PLEKHA8: variants seen among roughly 807,000 people sequenced by gnomAD.
PLEKHA8 encodes the protein pleckstrin homology domain-containing family A member 8.
PLEKHA8 carries 36 observed loss-of-function variants against 68.2 expected under a neutral mutation model. The observed-to-expected ratio is 0.53, with a 90% CI of 0.40 to 0.70. PLEKHA8 has a LOEUF of 0.70. PLEKHA8 is among the 30% of genes least tolerant of loss of function. The pLI is 0.00. For missense variants in PLEKHA8, 505 were observed against 615.4 expected, an observed-to-expected ratio of 0.82 and a Z score of 1.90; for synonymous variants, 211 against 216.1, an observed-to-expected ratio of 0.98 and a Z score of 0.20.
chr7:30,090,207 C>T, exon 13 of PLEKHA8: 1 of 1,547,068 alleles, frequency 6.5e-7, no homozygotes. Context: ...AGATCCTGAA[C>T]TTCAAGAATG....
intron 12 of PLEKHA8, among the ~76,000 whole-genome samples, chr7:30,073,563 T>TAAAAAAAAAAAAAAAAAA (rs35738941): frequency 9.8e-5 from 11 of 111,766 alleles, no homozygotes; most frequent in African/African-American, 3.6e-4. Flanking sequence ...TTGTGTTTCT[T>TAAAAAAAAAAAAAAAAAA]AAAAAAAAAA....
downstream of PLEKHA8, among the ~76,000 whole-genome samples, chr7:30,086,944 C>T (rs1175468927): frequency 3.3e-5 from 5 of 152,034 alleles, no homozygotes; most frequent in Non-Finnish European, 5.9e-5. Context: ...CAGTGTGGTT[C>T]GGGTTGATGG....
rs1229282018 is a variant in PLEKHA8, at chr7:30,081,335, C to T, written c.*2548C>T. ...TTTGTTTAAGATGTGTAAAAGTTTG[C>T]TTAAGGAACTGAGGATCCTTAAATA... On this transcript the variant is annotated 3_prime_UTR_variant, in exon 14 of 14. Coordinates refer to ENST00000449726, the MANE Select transcript of PLEKHA8 (RefSeq NM_001197026.2). The T allele has an allele frequency of 1.0e-6, 1 of 983,864 alleles. No individual in the cohort carries two copies. Among genetic ancestry groups the T allele is most frequent in the Non-Finnish European group, 1.2e-6 (1 of 828,722 alleles). 60.9% of individuals were successfully genotyped at this position (983,864 alleles called of 1,614,324 possible).
chr7:30,034,010 C>CTTTTGTT (rs1790859175), intron 1 of PLEKHA8, among the ~76,000 whole-genome samples: 11 of 34,666 alleles, frequency 3.2e-4, no homozygotes, highest in African/African-American at 1.4e-3. Flanking sequence ...TAAGAGGTTT[C>CTTTTGTT]TTTTTTTTTT....
At chr7:30,097,191 G>C (rs1013197110) in intron 13 of PLEKHA8, among the ~76,000 whole-genome samples, 1 of 152,226 alleles carries the variant, frequency 6.6e-6, no homozygotes, top group African/African-American at 2.4e-5. Context: ...ACTGCCGAGA[G>C]ATCAGCTGTT....
intron 13 of PLEKHA8, among the ~76,000 whole-genome samples, chr7:30,116,711 G>A (rs1266058364): frequency 6.6e-6 from 1 of 151,956 alleles, no homozygotes; most frequent in Non-Finnish European, 1.5e-5. Flanking sequence ...TTATATTTCC[G>A]GTCTCCAATT....
At chr7:30,121,166 T>A (rs564238242) in intron 13 of PLEKHA8, among the ~76,000 whole-genome samples, 1 of 152,330 alleles carries the variant, frequency 6.6e-6, no homozygotes, top group African/African-American at 2.4e-5. Flanking sequence ...TTTCTCTTTT[T>A]CAGGTTTGCC....
In PLEKHA8 at chr7:30,080,495, C is replaced by T; in HGVS notation, c.*1708C>T. 1.0e-6 allele frequency: 1 copy of T among 985,288 alleles called. No individual in the cohort carries two copies. The highest frequency in any genetic ancestry group is 1.2e-6 in the Non-Finnish European group (1 of 829,882). The allele number at this position is 985,288 out of a possible 1,614,324, so 61.0% of individuals were successfully genotyped here. A position where few individuals can be genotyped will look rare whatever the true frequency, so the allele number is the denominator to read the frequency against. ...ATCTCTAGGATGGAGAGAATTCTCT[C>T]TTTAGTCAGAGAAGTTTATGTAGGG... On this transcript the variant is annotated 3_prime_UTR_variant, in exon 14 of 14. Transcript: ENST00000449726.
chr7:30,037,910 G>A (rs1470117123), intron 1 of PLEKHA8, among the ~76,000 whole-genome samples: 1 of 151,904 alleles, frequency 6.6e-6, no homozygotes, highest in East Asian at 1.9e-4. Flanking sequence ...ATTAAGCCCA[G>A]CATTCATTAA....
At chr7:30,054,492 C>T (rs1370983559) in intron 7 of PLEKHA8, among the ~76,000 whole-genome samples, 2 of 152,030 alleles carry the variant, frequency 1.3e-5, no homozygotes, top group Non-Finnish European at 2.9e-5. Context: ...TGAAAATATT[C>T]ATGATACATT....
At chr7:30,064,826 G>T (rs1793707797) in intron 12 of PLEKHA8, among the ~76,000 whole-genome samples, 1 of 152,180 alleles carries the variant, frequency 6.6e-6, no homozygotes. Context: ...ACAGGGTTTA[G>T]CACTGTGTGC....
At position 30,049,388 on chromosome 7, in the gene PLEKHA8, AG is replaced by A. The variant is rs1792228004; in HGVS notation, c.597+7del. The A allele has an allele frequency of 1.9e-6, 3 of 1,611,642 alleles. No individual in the cohort carries two copies. The highest frequency in any genetic ancestry group is 2.7e-5 in the African/African-American group (2 of 74,986). On this transcript the variant is annotated splice_region_variant and intron_variant, in intron 5 of 13. Coordinates refer to ENST00000449726, the MANE Select transcript of PLEKHA8 (RefSeq NM_001197026.2). The stretch of plus-strand genomic sequence containing the variant: ...CCATGCTCAAGTCCAGCAAGGTAAA[AG>A]TCCAGCTCAGTTTGGCTGCAACAAG...
chr7:30,060,463 T>A (rs1373514587), intron 9 of PLEKHA8, among the ~76,000 whole-genome samples: 6 of 152,060 alleles, frequency 3.9e-5, no homozygotes, highest in Non-Finnish European at 5.9e-5. Context: ...ACCGAAAGAA[T>A]CATTAATGAG....
chr7:30,117,591 A>G (rs11769692), intron 13 of PLEKHA8, among the ~76,000 whole-genome samples: 42,369 of 151,734 alleles, frequency 0.28, 6,434 homozygotes, highest in African/African-American at 0.4. Flanking sequence ...GTAGTCCCAG[A>G]TACTCAGGAG....
At chr7:30,105,343 T>A in intron 13 of PLEKHA8, among the ~76,000 whole-genome samples, 1 of 143,200 alleles carries the variant, frequency 7.0e-6, no homozygotes, top group African/African-American at 2.6e-5. Flanking sequence ...AAAAAGCCAT[T>A]CATGGTGGTA....
At chr7:30,110,574 G>T (rs1309900970) in intron 13 of PLEKHA8, among the ~76,000 whole-genome samples, 1 of 152,174 alleles carries the variant, frequency 6.6e-6, no homozygotes, top group Non-Finnish European at 1.5e-5. Flanking sequence ...TGGTAACTGT[G>T]TTTAACATTT....
chr7:30,097,337 G>T (rs1040019231), intron 13 of PLEKHA8, among the ~76,000 whole-genome samples: 1 of 152,088 alleles, frequency 6.6e-6, no homozygotes, highest in African/African-American at 2.4e-5. Flanking sequence ...GTCTCTTTGT[G>T]GCGTTCTCTG....
At chr7:30,117,398 G>C (rs1796601184) in intron 13 of PLEKHA8, among the ~76,000 whole-genome samples, 1 of 152,100 alleles carries the variant, frequency 6.6e-6, no homozygotes, top group Non-Finnish European at 1.5e-5. Flanking sequence ...GCCTTAAAAT[G>C]TAATTTATTA....
chr7:30,066,046 C>G (rs990371258), intron 12 of PLEKHA8, among the ~76,000 whole-genome samples: 3 of 152,182 alleles, frequency 2.0e-5, no homozygotes, highest in African/African-American at 7.2e-5. Flanking sequence ...TAGACTTAGG[C>G]CTTTGAGGTT....
Sources: allele counts gnomAD v4.1 joint callset (sites outside exome capture counted in the v4.1 genomes callset), GRCh38; gene constraint gnomAD v4.1.1; transcripts MANE v1.5; gene names NCBI Gene and HGNC (gene_info 2026-07-23, HGNC 2026-07-21).